The following HSPD1 variants were observed in gnomAD, a reference collection of about 807,000 sequenced individuals.
HSPD1 encodes the protein heat shock protein family D (Hsp60) member 1.
In HSPD1, 3 loss-of-function variants were observed where a neutral mutation model predicts 53.0. The ratio of observed to expected loss-of-function variants is 0.06; its 90% CI spans 0.03 to 0.15. The LOEUF is 0.15. Ranked by LOEUF, HSPD1 falls within the 10% of genes least tolerant of loss-of-function variation. The pLI, the probability that HSPD1 is intolerant of heterozygous loss-of-function variation, is 1.00. For synonymous variants in HSPD1, 200 were observed against 228.0 expected (o/e 0.88, Z 1.10); for missense variants, 431 against 694.1 (o/e 0.62, Z 4.26).
intron 2 of HSPD1, among the ~76,000 whole-genome samples, chr2:197,498,256 A>G (rs2086184614): frequency 6.6e-6 from 1 of 152,178 alleles, no homozygotes; most frequent in South Asian, 2.1e-4. Context: ...TGTTGTGTAC[A>G]TTTTACTACA....
At chr2:197,496,115 G>A (rs947463446) in intron 3 of HSPD1, among the ~76,000 whole-genome samples, 4 of 152,166 alleles carry the variant, frequency 2.6e-5, no homozygotes, top group Non-Finnish European at 5.9e-5. Flanking sequence ...CTATGCCTCT[G>A]CAGGTGTCAA....
At position 197,493,971 on chromosome 2, in the gene HSPD1, G is replaced by A. The variant is rs546502293; in HGVS notation, c.700+186C>T. On this transcript the variant is annotated intron_variant, in intron 6 of 11. Coordinates refer to ENST00000388968, the MANE Select transcript of HSPD1 (RefSeq NM_002156.5). Reference sequence around the variant, plus strand: ...ACAAAAATCAGCCTGGCATGGTGGCGTGTGACTGTAATCCCAGCTACTTGG... The same window carrying A: ...ACAAAAATCAGCCTGGCATGGTGGCATGTGACTGTAATCCCAGCTACTTGG... Among the ~76,000 whole-genome samples, 5 of 152,140 alleles carry A rather than the reference G, an allele frequency of 3.3e-5. No homozygotes were observed. The East Asian group carries it at 7.7e-4, about 23-fold the overall frequency.
Position 197,493,344 on chromosome 2 carries a change from T to C in HSPD1, c.849A>G (p.Leu283=), listed in dbSNP as rs557196021. ...IIAEDVDGEA[L]STLVLNRLKV... ...ATTACCTATTCAAGACGAGTGTACT[T>C]AGAGCTTCTCCATCAACATCTTCAG... The change falls in exon 7 of 12, where the codon CTA becomes CTG. Residue 283 remains leucine (L), a synonymous_variant. Transcript: ENST00000388968. 66 of 1,613,552 alleles carry C rather than the reference T, an allele frequency of 4.1e-5. No individual in the cohort carries two copies. In the South Asian group the frequency reaches 6.9e-4, roughly 17 times the overall value.
rs760677787 is a variant in HSPD1, at chr2:197,487,905, C to T, written c.1522G>A (p.Gly508Arg). The T allele has an allele frequency of 6.2e-7, 1 of 1,613,818 alleles. No homozygotes were observed. The highest frequency in any genetic ancestry group is 1.7e-5 in the Admixed American group (1 of 60,010). ...SSEVGYDAMAGDFVNMVEKGI... is the reference protein window; with the variant it reads ...SSEVGYDAMARDFVNMVEKGI... The stretch of plus-strand genomic sequence containing the variant: ...TTTTCCACCATATTCACAAAATCTC[C>T]AGCCATAGCATCATAACCAACTTCT... The change falls in exon 11 of 12, where the codon GGA (glycine) becomes AGA (arginine). Residue 508 changes from glycine (G) to arginine (R), a missense_variant. Gly to Arg is a moderately radical substitution (Grantham distance 125). Around this residue, in one of 2 missense-constraint regions of HSPD1, gnomAD observed 386 missense variants for 657.6 expected, o/e 0.59. Transcript: ENST00000388968.
At chr2:197,487,240 A>C (rs1318105395) in intron 11 of HSPD1, 42 bp from the exon 12 acceptor site, 1 of 1,566,534 alleles carries the variant, frequency 6.4e-7, no homozygotes, top group Non-Finnish European at 8.8e-7. Flanking sequence ...TTAGTAAAAT[A>C]TGAGCAAGAC....
intron 8 of HSPD1, among the ~76,000 whole-genome samples, 191 bp downstream of exon 8, chr2:197,490,006 T>C (rs564884393): frequency 6.6e-6 from 1 of 152,208 alleles, no homozygotes; most frequent in African/African-American, 2.4e-5. Flanking sequence ...TTAGTCAATA[T>C]AGAATAGTCA....
At chr2:197,497,495 C>T (rs2086173391) in intron 2 of HSPD1, 103 bp from the exon 3 acceptor site, 5 of 1,189,556 alleles carry the variant, frequency 4.2e-6, no homozygotes, top group South Asian at 2.5e-5. Flanking sequence ...AAAGTCTCAA[C>T]GTAAGTTGTG....
intron 8 of HSPD1, 81 bp downstream of exon 8, chr2:197,490,116 A>G: frequency 9.8e-7 from 1 of 1,019,912 alleles, no homozygotes; most frequent in Non-Finnish European, 1.6e-6. Flanking sequence ...TGTAGTATCT[A>G]ATTGTGAAAT....
rs552558051 is a variant in HSPD1 at position 197,493,128 on chromosome 2, A to G, written c.869+196T>C. On this transcript the variant is annotated intron_variant, in intron 7 of 11. Transcript: ENST00000388968. ...CTATGAGAAAGCTGATCAAAATAGT[A>G]AAGACTTTGGGGTTCCTTCAAAAAC... Among the ~76,000 whole-genome samples, 107 of 152,336 alleles carry G rather than the reference A, an allele frequency of 7.0e-4. 1 individual carries two copies. The highest frequency in any genetic ancestry group is 2.5e-3 in the African/African-American group (103 of 41,584).
intron 9 of HSPD1, 135 bp from the exon 10 acceptor site, chr2:197,488,626 TG>T (rs2086054629): frequency 1.2e-6 from 1 of 850,190 alleles, no homozygotes; most frequent in Non-Finnish European, 2.0e-6. Flanking sequence ...CCTAGCACTT[TG>T]GGAGGCTGAG....
At chr2:197,499,065 A>G in intron 1 of HSPD1, 1 of 612,332 alleles carries the variant, frequency 1.6e-6, no homozygotes, top group Admixed American at 2.9e-5. Flanking sequence ...CCTGACCTAT[A>G]GCACCAGCAC....
chr2:197,498,638 T>A (rs1455182055), intron 2 of HSPD1, 37 bp downstream of exon 2: 7 of 1,565,658 alleles, frequency 4.5e-6, no homozygotes, highest in Non-Finnish European at 5.3e-6. Context: ...ATGCTATTAA[T>A]AATACCGTAA....
chr2:197,492,660 T>TA (rs139707919), intron 7 of HSPD1, among the ~76,000 whole-genome samples: 6,718 of 151,924 alleles, frequency 0.044, 484 homozygotes, highest in African/African-American at 0.15. Flanking sequence ...GCCACTGCAC[T>TA]ACTGCACTCC....
rs115083107 is a variant in HSPD1, at chr2:197,493,113, G to T, written c.869+211C>A. 5.9e-3 allele frequency among the ~76,000 whole-genome samples: 902 copies of T among 151,988 alleles called. 11 individuals are homozygous for T. The highest frequency in any genetic ancestry group is 0.021 in the African/African-American group (860 of 41,466). The stretch of plus-strand genomic sequence containing the variant: ...CTAAATTAGTCTATTCTATGAGAAA[G>T]CTGATCAAAATAGTAAAGACTTTGG... On this transcript the variant is annotated intron_variant, in intron 7 of 11. Transcript: ENST00000388968.
intron 6 of HSPD1, among the ~76,000 whole-genome samples, chr2:197,493,838 T>C (rs2086123223): frequency 6.6e-6 from 1 of 152,048 alleles, no homozygotes; most frequent in Non-Finnish European, 1.5e-5. Flanking sequence ...CAGAGCCTCA[T>C]ACCTATAATC....
intron 8 of HSPD1, among the ~76,000 whole-genome samples, chr2:197,489,665 C>T (rs2086066899): frequency 6.6e-6 from 1 of 151,962 alleles, no homozygotes; most frequent in South Asian, 2.1e-4. Context: ...TTTGAGAAGC[C>T]TAGGCAATAC....
At chr2:197,500,106 T>C, upstream of HSPD1, 1 of 429,148 alleles carries the variant, frequency 2.3e-6, no homozygotes. Context: ...TCCCTACGGC[T>C]CAAGGGTCAA....
chr2:197,497,201 A>G lies in HSPD1; in HGVS notation c.366T>C (p.Ser122=). 6.2e-7 allele frequency: 1 copy of G among 1,613,870 alleles called. No homozygotes were observed. The highest frequency in any genetic ancestry group is 8.5e-7 in the Non-Finnish European group (1 of 1,179,688). ...GTTTATVLAR[S]IAKEGFEKIS... is the part of the protein sequence containing the mutation. ...TCTTCTCGAAGCCTTCCTTGGCTAT[A>G]GAGCGTGCCAGTACAGTAGCAGTGG... The change falls in exon 3 of 12, where the codon TCT becomes TCC. Residue 122 remains serine, a synonymous_variant. Transcript: ENST00000388968.
intron 9 of HSPD1, 24 bp downstream of exon 9, chr2:197,488,978 C>T: frequency 6.2e-7 from 1 of 1,612,910 alleles, no homozygotes; most frequent in Non-Finnish European, 8.5e-7. Flanking sequence ...ACCCAAGAAA[C>T]TTATTCATAA....
Sources: gnomAD v4.1 joint callset for allele counts (sites outside exome capture counted in the v4.1 genomes callset) on GRCh38, gnomAD v4.1.1 for gene constraint, gnomAD v4.1.1 regional missense constraint, MANE v1.5 for transcripts, NCBI Gene and HGNC (gene_info 2026-07-23, HGNC 2026-07-21) for gene names.